Variants in SAMD12 observed in about 807,000 individuals in gnomAD.
SAMD12 encodes sterile alpha motif domain containing 12, also known as sterile alpha motif domain-containing protein 12.
SAMD12 carries 9 observed loss-of-function variants against 15.0 expected under a neutral mutation model. The observed-to-expected ratio is 0.60, with a 90% CI of 0.36 to 1.05. The LOEUF (loss-of-function observed/expected upper bound fraction) is 1.05, where lower values mean the gene tolerates loss of function less well. Ranked by LOEUF, SAMD12 falls within the 50% of genes least tolerant of loss-of-function variation. The pLI is 0.01. For synonymous variants in SAMD12, 86 were observed against 90.1 expected (o/e 0.96, Z 0.25); for missense variants, 230 against 234.2 (o/e 0.98, Z 0.12).
At chr8:118,549,408 A>C (rs919027882) in intron 2 of SAMD12, among the ~76,000 whole-genome samples, 2 of 152,214 alleles carry the variant, frequency 1.3e-5, no homozygotes, top group African/African-American at 2.4e-5. Flanking sequence ...GCTGCTGATA[A>C]CCAGGCAAAC....
rs576069036 is a variant in SAMD12 at position 118,607,479 on chromosome 8, G to A, written c.13+14325C>T. ...TTGATCTCCCGACCTCAGGTAATCT[G>A]TCCACCTCAGCCTCCCAAAGTGCTG... On this transcript the variant is annotated intron_variant, in intron 1 of 3. Transcript: ENST00000314727. 1.4e-4 allele frequency among the ~76,000 whole-genome samples: 21 copies of A among 152,204 alleles called. No homozygotes were observed. In the South Asian group the frequency reaches 4.3e-3, roughly 32 times the overall value.
At chr8:118,370,575 A>T (rs1819038778) in intron 4 of SAMD12, among the ~76,000 whole-genome samples, 1 of 152,262 alleles carries the variant, frequency 6.6e-6, no homozygotes, top group African/African-American at 2.4e-5. Flanking sequence ...AAAATGTGGT[A>T]CATATACACC....
chr8:118,489,095 T>G (rs1005392870), intron 2 of SAMD12, among the ~76,000 whole-genome samples: 1 of 152,206 alleles, frequency 6.6e-6, no homozygotes, highest in Admixed American at 6.5e-5. Context: ...TTTGCTTTTC[T>G]GTGATAAGTA....
At chr8:118,606,658 T>G (rs1320836099) in intron 1 of SAMD12, among the ~76,000 whole-genome samples, 1 of 151,800 alleles carries the variant, frequency 6.6e-6, no homozygotes, top group African/African-American at 2.4e-5. Context: ...TAAGGCAGCA[T>G]AGTGGTACTT....
At chr8:118,181,785 C>T in the SAMD12 span, among the ~76,000 whole-genome samples, 1 of 152,194 alleles carries the variant, frequency 6.6e-6, no homozygotes, top group African/African-American at 2.4e-5. Context: ...CCGAAAGAGT[C>T]CTGACCAATG....
intron 3 of SAMD12, among the ~76,000 whole-genome samples, chr8:118,393,865 G>C (rs896164261): frequency 5.3e-5 from 8 of 152,282 alleles, no homozygotes; most frequent in Admixed American, 1.3e-4. Flanking sequence ...GCTTCCCAAA[G>C]TGCTGGGATT....
chr8:118,552,411 A>C (rs1481307321), intron 2 of SAMD12, among the ~76,000 whole-genome samples: 9 of 152,196 alleles, frequency 5.9e-5, no homozygotes, highest in Admixed American at 5.2e-4. Context: ...ATATAAACAG[A>C]ACCAAAGACA....
the SAMD12 span, among the ~76,000 whole-genome samples, chr8:118,155,836 T>G: frequency 6.6e-6 from 1 of 152,190 alleles, no homozygotes; most frequent in Non-Finnish European, 1.5e-5. Flanking sequence ...TTGAATAAGG[T>G]GAAGCAGCCT....
rs369952480 is a variant in SAMD12, at chr8:118,395,890, G to A, written c.323-16190C>T. 2.2e-4 allele frequency among the ~76,000 whole-genome samples: 33 copies of A among 150,840 alleles called. No individual in the cohort carries two copies. The South Asian group carries it at 4.4e-3, about 20-fold the overall frequency. On this transcript the variant is annotated intron_variant, in intron 3 of 3. Coordinates refer to ENST00000314727, the MANE Select transcript of SAMD12 (RefSeq NM_207506.3). ...GGAGAATGGGGTGAACCCAGGAGGC[G>A]GAGCTTGCAGTGAGTAAGATCGCAA...
chr8:118,395,655 T>C (rs1411762784), intron 3 of SAMD12, among the ~76,000 whole-genome samples: 3 of 152,096 alleles, frequency 2.0e-5, no homozygotes, highest in Non-Finnish European at 4.4e-5. Context: ...CTTTCTATAA[T>C]TTATCAGAAT....
the SAMD12 span, among the ~76,000 whole-genome samples, chr8:118,170,547 T>G: frequency 6.6e-6 from 1 of 152,140 alleles, no homozygotes; most frequent in Non-Finnish European, 1.5e-5. Flanking sequence ...GATTAATTGA[T>G]TTTGACGAGG....
chr8:118,573,378 G>A (rs555495474), intron 2 of SAMD12, among the ~76,000 whole-genome samples: 10 of 152,236 alleles, frequency 6.6e-5, no homozygotes, highest in South Asian at 2.1e-4. Context: ...AAGCCACTGC[G>A]CCCAGCCTAA....
At chr8:118,549,211 G>T (rs368807513) in intron 2 of SAMD12, among the ~76,000 whole-genome samples, 10 of 152,230 alleles carry the variant, frequency 6.6e-5, no homozygotes, top group Admixed American at 6.5e-4. Context: ...ATCTGAGAAC[G>T]GGCAGACTGC....
chr8:118,455,951 C>A (rs181639204), intron 2 of SAMD12, among the ~76,000 whole-genome samples: 1 of 152,218 alleles, frequency 6.6e-6, no homozygotes, highest in South Asian at 2.1e-4. Context: ...TAGACTCTGG[C>A]AATAACCTCC....
chr8:118,571,368 G>A (rs973240813), intron 2 of SAMD12, among the ~76,000 whole-genome samples: 3 of 152,216 alleles, frequency 2.0e-5, no homozygotes, highest in South Asian at 2.1e-4. Context: ...TTGACAATGC[G>A]ATAGAAATGA....
At chr8:118,243,470 A>T (rs7835086) in intron 4 of SAMD12, among the ~76,000 whole-genome samples, 4,335 of 144,282 alleles carry the variant, frequency 0.03, 172 homozygotes, top group African/African-American at 0.098. Context: ...CATTTTTTTT[A>T]AAAAAAACTA....
At position 118,569,180 on chromosome 8, in the gene SAMD12, T is replaced by C. The variant is rs1384860245; in HGVS notation, c.192+11535A>G. ...CTCCAAAACCCAAAACTTTGAGTAA[T>C]GACATCATGCCATAAGTAGAAAATT... On this transcript the variant is annotated intron_variant, in intron 2 of 3. Coordinates refer to ENST00000314727, the MANE Select transcript of SAMD12 (RefSeq NM_207506.3). 3.9e-5 allele frequency among the ~76,000 whole-genome samples: 6 copies of C among 152,174 alleles called. No individual in the cohort carries two copies. The East Asian group carries it at 7.7e-4, about 20-fold the overall frequency.
At chr8:118,528,768 G>A (rs1013020941) in intron 2 of SAMD12, among the ~76,000 whole-genome samples, 24 of 152,164 alleles carry the variant, frequency 1.6e-4, no homozygotes, top group Non-Finnish European at 3.2e-4. Flanking sequence ...GGGGCAGGAA[G>A]ACCAGAAGAA....
chr8:118,522,758 C>CT (rs1440617465), intron 2 of SAMD12, among the ~76,000 whole-genome samples: 1 of 152,202 alleles, frequency 6.6e-6, no homozygotes, highest in Admixed American at 6.5e-5. Context: ...TTTTTAATTT[C>CT]TTTTTTCTTA....
Sources: allele counts gnomAD v4.1 joint callset (sites outside exome capture counted in the v4.1 genomes callset), GRCh38; gene constraint gnomAD v4.1.1; transcripts MANE v1.5; gene names NCBI Gene and HGNC (gene_info 2026-07-23, HGNC 2026-07-21).